The following CACNA2D3 variants were observed in gnomAD, a reference collection of about 807,000 sequenced individuals.
CACNA2D3 encodes the protein voltage-dependent calcium channel subunit alpha-2/delta-3.
Under a neutral mutation model 160.6 loss-of-function variants are expected in CACNA2D3, and 60 were observed. The observed-to-expected ratio is 0.37, with a 90% CI of 0.30 to 0.46. The LOEUF is 0.46. Ranked by LOEUF, CACNA2D3 falls within the 20% of genes least tolerant of loss-of-function variation. The pLI is 1.00. For synonymous variants in CACNA2D3, 558 were observed against 492.9 expected, an observed-to-expected ratio of 1.13 and a Z score of -1.75; for missense variants, 1,205 against 1,365.0, an observed-to-expected ratio of 0.88 and a Z score of 1.85.
chr3:54,433,966 C>CA (rs1220455810), intron 4 of CACNA2D3, among the ~76,000 whole-genome samples: 1 of 152,238 alleles, frequency 6.6e-6, no homozygotes, highest in African/African-American at 2.4e-5. Context: ...TCCATTCCCC[C>CA]ACCTGGTGGT....
At chr3:54,170,681 A>G (rs1481350280) in intron 2 of CACNA2D3, among the ~76,000 whole-genome samples, 1 of 152,150 alleles carries the variant, frequency 6.6e-6, no homozygotes, top group Non-Finnish European at 1.5e-5. Flanking sequence ...AGCCAAGGGC[A>G]GATCAGTGAG....
chr3:54,578,935 A>G (rs938093162), intron 8 of CACNA2D3, among the ~76,000 whole-genome samples: 1 of 152,156 alleles, frequency 6.6e-6, no homozygotes. Context: ...CTGAAGGTGA[A>G]TTAGTGTATT....
intron 4 of CACNA2D3, among the ~76,000 whole-genome samples, chr3:54,394,317 C>CTT (rs1699334931): frequency 9.8e-6 from 1 of 102,492 alleles, no homozygotes; most frequent in African/African-American, 4.1e-5. Context: ...GGAGAGTGAA[C>CTT]ATTTTTTTTT....
intron 21 of CACNA2D3, among the ~76,000 whole-genome samples, chr3:54,881,882 T>A (rs1408360914): frequency 6.6e-6 from 1 of 152,214 alleles, no homozygotes; most frequent in East Asian, 1.9e-4. Context: ...GGATGTTCCC[T>A]GAGACGCCAA....
At chr3:54,510,801 C>T (rs559854005) in intron 5 of CACNA2D3, among the ~76,000 whole-genome samples, 21 of 152,144 alleles carry the variant, frequency 1.4e-4, no homozygotes, top group Non-Finnish European at 2.8e-4. Context: ...AGTGAAGGTG[C>T]AGCATCCAGC....
At chr3:54,902,479 A>G (rs1372467230) in intron 27 of CACNA2D3, among the ~76,000 whole-genome samples, 2 of 152,174 alleles carry the variant, frequency 1.3e-5, no homozygotes, top group African/African-American at 2.4e-5. Flanking sequence ...TTCCCGGCCT[A>G]TGACATTGCT....
chr3:54,889,361 T>C (rs1437614189), intron 24 of CACNA2D3, among the ~76,000 whole-genome samples: 1 of 152,046 alleles, frequency 6.6e-6, no homozygotes, highest in African/African-American at 2.4e-5. Context: ...ATAGTAAAGG[T>C]TCGTACAGTT....
chr3:54,942,723 T>A (rs1022151066), intron 27 of CACNA2D3, among the ~76,000 whole-genome samples: 1 of 151,202 alleles, frequency 6.6e-6, no homozygotes, highest in Non-Finnish European at 1.5e-5. Flanking sequence ...GCTCCATCTC[T>A]AAAAAAATAA....
intron 27 of CACNA2D3, among the ~76,000 whole-genome samples, chr3:54,957,412 G>A (rs1004580583): frequency 6.6e-6 from 1 of 152,124 alleles, no homozygotes; most frequent in Non-Finnish European, 1.5e-5. Flanking sequence ...GCCTCCTAAA[G>A]TGCTGGGATT....
chr3:54,392,065 G>C (rs1398074426), intron 4 of CACNA2D3, among the ~76,000 whole-genome samples: 1 of 152,152 alleles, frequency 6.6e-6, no homozygotes, highest in Non-Finnish European at 1.5e-5. Flanking sequence ...TGAGAACAGA[G>C]TTTTAAAAAA....
At chr3:54,466,608 G>C (rs1164497542) in intron 4 of CACNA2D3, among the ~76,000 whole-genome samples, 1 of 152,094 alleles carries the variant, frequency 6.6e-6, no homozygotes, top group Non-Finnish European at 1.5e-5. Flanking sequence ...GGGCAACAAA[G>C]TTACTTACTT....
At chr3:55,035,936 A>T (rs938403780) in intron 35 of CACNA2D3, among the ~76,000 whole-genome samples, 2 of 152,226 alleles carry the variant, frequency 1.3e-5, no homozygotes, top group Admixed American at 6.5e-5. Flanking sequence ...AGTGATGTAG[A>T]TAATTCAAGA....
At chr3:54,657,869 A>G (rs1249768130) in intron 11 of CACNA2D3, among the ~76,000 whole-genome samples, 1 of 152,110 alleles carries the variant, frequency 6.6e-6, no homozygotes, top group African/African-American at 2.4e-5. Context: ...TCTCTACTAA[A>G]AATACAAAAA....
intron 11 of CACNA2D3, among the ~76,000 whole-genome samples, chr3:54,654,788 A>G (rs1699846132): frequency 6.6e-6 from 1 of 152,170 alleles, no homozygotes; most frequent in Admixed American, 6.5e-5. Context: ...GCTACCACCT[A>G]GGTTAATTTA....
chr3:54,279,114 A>G (rs1475943074), intron 2 of CACNA2D3, among the ~76,000 whole-genome samples: 1 of 152,162 alleles, frequency 6.6e-6, no homozygotes, highest in Non-Finnish European at 1.5e-5. Flanking sequence ...TCATTCCCCA[A>G]AGCTTTACTG....
rs144689642 is a variant in CACNA2D3, at chr3:54,602,318, C to T, written c.963+20441C>T. Among the ~76,000 whole-genome samples the T allele has an allele frequency of 3.4e-3, 517 of 151,826 alleles. 4 individuals carry two copies. Among genetic ancestry groups the T allele is most frequent in the African/African-American group, 0.012 (482 of 41,382 alleles). ...TTAGAGACCAGCCTGGCCAACATGG[C>T]GAAACTCCATCTCTACAAACAATAC... On this transcript the variant is annotated intron_variant, in intron 9 of 37. Transcript: ENST00000474759.
intron 8 of CACNA2D3, among the ~76,000 whole-genome samples, chr3:54,576,133 A>T (rs558852460): frequency 2.6e-5 from 4 of 152,276 alleles, no homozygotes; most frequent in African/African-American, 9.6e-5. Context: ...CTGCTTAGAG[A>T]GGTCTTTCCT....
intron 3 of CACNA2D3, among the ~76,000 whole-genome samples, chr3:54,378,796 G>A (rs935790508): frequency 2.6e-5 from 4 of 152,158 alleles, no homozygotes; most frequent in South Asian, 4.2e-4. Flanking sequence ...TTGGTCCTTG[G>A]GCAGCCCTTT....
At chr3:54,385,444 C>G (rs372777237) in intron 3 of CACNA2D3, among the ~76,000 whole-genome samples, 2 of 152,182 alleles carry the variant, frequency 1.3e-5, no homozygotes, top group Admixed American at 1.3e-4. Context: ...CTGATGTTCT[C>G]TGGGGATTGT....
Sources: allele counts gnomAD v4.1 joint callset (sites outside exome capture counted in the v4.1 genomes callset), GRCh38; gene constraint gnomAD v4.1.1; transcripts MANE v1.5; gene names NCBI Gene and HGNC (gene_info 2026-07-23, HGNC 2026-07-21).